OAT: variants seen among roughly 807,000 people sequenced by gnomAD.
OAT encodes the protein ornithine aminotransferase, also known as ornithine aminotransferase, mitochondrial.
OAT carries 35 observed loss-of-function variants against 48.4 expected under a neutral mutation model. That is an observed-to-expected ratio of 0.72 (90% confidence interval 0.55 to 0.96). OAT has a LOEUF of 0.96. OAT is among the 40% of genes least tolerant of loss of function. The pLI, the probability that OAT is intolerant of heterozygous loss-of-function variation, is 0.00. For synonymous variants in OAT, 182 were observed against 198.4 expected (o/e 0.92, Z 0.70); for missense variants, 438 against 537.9 (o/e 0.81, Z 1.84).
chr10:124,413,212 A>G (rs1193772291), intron 1 of OAT, among the ~76,000 whole-genome samples: 1 of 152,082 alleles, frequency 6.6e-6, no homozygotes, highest in Non-Finnish European at 1.5e-5. Flanking sequence ...TAATAGCTTT[A>G]AAGTGTTCAC....
rs80313473 is a variant in OAT at position 124,408,975 on chromosome 10, A to G, written c.200-10T>C. On this transcript the variant is annotated splice_polypyrimidine_tract_variant and intron_variant, in intron 2 of 9. Coordinates refer to ENST00000368845, the MANE Select transcript of OAT (RefSeq NM_000274.4). ...TCCCATAAGTAAATACCTAAAATAC[A>G]TAAGAAAGGAAAATAATTTTAGACA... The G allele has an allele frequency of 1.4e-3, 2,202 of 1,596,972 alleles. 27 individuals carry two copies. The African/African-American group carries it at 0.026, about 19-fold the overall frequency.
intron 9 of OAT, 28 bp from the exon 10 acceptor site, chr10:124,398,130 C>T (rs778509016): frequency 4.0e-5 from 64 of 1,612,834 alleles, no homozygotes; most frequent in Non-Finnish European, 5.0e-5. Context: ...AACGTACATG[C>T]TCAAAGATAA....
At chr10:124,401,642 T>C (rs2134452629) in intron 8 of OAT, 84 bp downstream of exon 8, 1 of 915,374 alleles carries the variant, frequency 1.1e-6, no homozygotes, top group Non-Finnish European at 1.8e-6. Context: ...TATTGAATTT[T>C]TTATTATACC....
chr10:124,413,139 T>C, intron 1 of OAT, among the ~76,000 whole-genome samples: 1 of 152,160 alleles, frequency 6.6e-6, no homozygotes, highest in East Asian at 1.9e-4. Flanking sequence ...AAAACTTCTG[T>C]AGGTCAAATT....
chr10:124,397,308 T>G lies in OAT; in HGVS notation c.*634A>C, dbSNP rs537589664. The stretch of plus-strand genomic sequence containing the variant: ...TGAATAATCATCACAAAACAGACAT[T>G]TGAAATATAAGCTTTATTTTAAATT... On this transcript the variant is annotated 3_prime_UTR_variant, in exon 10 of 10. Transcript: ENST00000368845. The G allele has an allele frequency of 1.3e-5, 2 of 152,252 alleles. No individual in the cohort carries two copies. Among genetic ancestry groups the G allele is most frequent in the South Asian group, 2.1e-4 (1 of 4,834 alleles). The allele number at this position is 152,252 out of a possible 1,614,324, so 9.4% of individuals were successfully genotyped here. A position where few individuals can be genotyped will look rare whatever the true frequency, so the allele number is the denominator to read the frequency against.
In OAT at chr10:124,411,969, G is replaced by A. The variant is rs373425479; in HGVS notation, c.199+4C>T. ...GGGAAAAGACGGATTAATTTGAAACGTACCTTTTCCTCTCTCCAGGGCTAC... is the reference window on the plus strand; with the variant it reads ...GGGAAAAGACGGATTAATTTGAAACATACCTTTTCCTCTCTCCAGGGCTAC... On this transcript the variant is annotated splice_donor_region_variant and intron_variant, in intron 2 of 9. Coordinates refer to ENST00000368845, the MANE Select transcript of OAT (RefSeq NM_000274.4). 4.3e-6 allele frequency: 7 copies of A among 1,611,176 alleles called. No individual in the cohort carries two copies. The highest frequency in any genetic ancestry group is 1.7e-4 in the Middle Eastern group (1 of 6,060).
rs1204417866 is a variant in OAT, at chr10:124,408,790, C to T, written c.375G>A (p.Glu125=). The change falls in exon 3 of 10, where the codon GAG becomes GAA. Residue 125 remains glutamate, a synonymous_variant. Coordinates refer to ENST00000368845, the MANE Select transcript of OAT (RefSeq NM_000274.4). ...FYNNVLGEYE[E]YITKLFNYHK... ...GGTAGTTGAAAAGTTTAGTAATATA[C>T]TCCTCATATTCACCAAGTACGTTAT... is the stretch of plus-strand genomic sequence containing the variant. The T allele has an allele frequency of 1.2e-6, 2 of 1,611,642 alleles. No homozygotes were observed. The highest frequency in any genetic ancestry group is 1.7e-6 in the Non-Finnish European group (2 of 1,179,122).
intron 6 of OAT, among the ~76,000 whole-genome samples, chr10:124,403,523 C>T (rs926257385): frequency 5.3e-5 from 8 of 152,054 alleles, no homozygotes; most frequent in African/African-American, 1.4e-4. Context: ...CTTAGAGCAG[C>T]GAGGAAGGAA....
chr10:124,397,808 G>T lies in OAT; in HGVS notation c.*134C>A. On this transcript the variant is annotated 3_prime_UTR_variant, in exon 10 of 10. Transcript: ENST00000368845. ...AACGTTGTTCTATTATGTATCAACT[G>T]AAAAAAATATATTCAAAAAAAAAGT... 1.0e-6 allele frequency: 1 copy of T among 965,308 alleles called. No homozygotes were observed. Among genetic ancestry groups the T allele is most frequent in the Non-Finnish European group, 1.6e-6 (1 of 626,278 alleles). 59.8% of individuals were successfully genotyped at this position (965,308 alleles called of 1,614,324 possible).
Position 124,398,007 on chromosome 10 carries a change from C to T in OAT, c.1255G>A (p.Val419Met). The change falls in exon 10 of 10, where the codon GTG (valine) becomes ATG (methionine). Residue 419 changes from valine to methionine, a missense_variant. By Grantham distance (21) the Val-to-Met change is conservative. Coordinates refer to ENST00000368845, the MANE Select transcript of OAT (RefSeq NM_000274.4). ...TCTCGAAGCTCATCCTCCTTGATCA[C>T]CAGCGGAGGCGCAAACCTGATAATG... ...GDIIRFAPPL[V>M]IKEDELRESI... 3.1e-6 allele frequency: 5 copies of T among 1,614,032 alleles called. No homozygotes were observed. The highest frequency in any genetic ancestry group is 2.5e-6 in the Non-Finnish European group (3 of 1,179,930).
chr10:124,401,130 A>G, intron 8 of OAT, 146 bp from the exon 9 acceptor site: 3 of 619,314 alleles, frequency 4.8e-6, no homozygotes, highest in African/African-American at 3.7e-5. Flanking sequence ...CAAAGCCTGT[A>G]TTAGTTTCTA....
intron 9 of OAT, among the ~76,000 whole-genome samples, chr10:124,400,613 C>G (rs529211674): frequency 1.3e-5 from 2 of 151,930 alleles, no homozygotes; most frequent in African/African-American, 2.4e-5. Context: ...ATTAGCTGGG[C>G]GTGGTGACAG....
Position 124,401,805 on chromosome 10 carries a change from A to G in OAT, c.935T>C (p.Leu312Pro). 1.2e-6 allele frequency: 2 copies of G among 1,613,370 alleles called. No individual in the cohort carries two copies. Among genetic ancestry groups the G allele is most frequent in the Non-Finnish European group, 1.7e-6 (2 of 1,179,816 alleles). Residue 312 changes from leucine to proline, a missense_variant, in exon 8 of 10, where the codon CTG (leucine) becomes CCG (proline). Transcript: ENST00000368845. The stretch of plus-strand genomic sequence containing the variant: ...CCCATGCTCCCCTGGCTTAATGGTC[A>G]GCATGATGTCATCATCACACAGCAC... ...SAVLCDDDIM[L>P]TIKPGEHGST...
intron 4 of OAT, among the ~76,000 whole-genome samples, chr10:124,406,446 G>A (rs1267686819): frequency 6.6e-6 from 1 of 151,920 alleles, no homozygotes; most frequent in Non-Finnish European, 1.5e-5. Context: ...AGCTGAGATC[G>A]CACCACTGCA....
In OAT at chr10:124,397,803, C is replaced by T. The variant is rs1951273107; in HGVS notation, c.*139G>A. On this transcript the variant is annotated 3_prime_UTR_variant, in exon 10 of 10. Transcript: ENST00000368845. ...TCATAAACGTTGTTCTATTATGTAT[C>T]AACTGAAAAAAATATATTCAAAAAA... 1 of 872,432 alleles carries T rather than the reference C, an allele frequency of 1.1e-6. No individual in the cohort carries two copies. The highest frequency in any genetic ancestry group is 1.7e-5 in the African/African-American group (1 of 58,950). 54.0% of individuals were successfully genotyped at this position (872,432 alleles called of 1,614,324 possible).
At position 124,411,955 on chromosome 10, in the gene OAT, G is replaced by T. The variant is rs773724461; in HGVS notation, c.199+18C>A. 3 of 1,607,576 alleles carry T rather than the reference G, an allele frequency of 1.9e-6. No individual in the cohort carries two copies. In the East Asian group the frequency reaches 6.8e-5, roughly 36 times the overall value. ...AGGTTTCAAGAAAAGGGAAAAGACGGATTAATTTGAAACGTACCTTTTCCT... is the reference window on the plus strand; with the variant it reads ...AGGTTTCAAGAAAAGGGAAAAGACGTATTAATTTGAAACGTACCTTTTCCT... On this transcript the variant is annotated intron_variant, in intron 2 of 9. Transcript: ENST00000368845.
intron 1 of OAT, among the ~76,000 whole-genome samples, chr10:124,417,568 T>G (rs1951959351): frequency 6.6e-6 from 1 of 152,186 alleles, no homozygotes; most frequent in Non-Finnish European, 1.5e-5. Context: ...TACACAGGTG[T>G]GAGCCACCGT....
chr10:124,409,366 C>G (rs1477494173), intron 2 of OAT, among the ~76,000 whole-genome samples: 1 of 152,094 alleles, frequency 6.6e-6, no homozygotes, highest in Admixed American at 6.6e-5. Flanking sequence ...AGTTCCAGAT[C>G]AGCCTGGACA....
At chr10:124,417,091 G>T (rs979952756) in intron 1 of OAT, among the ~76,000 whole-genome samples, 14 of 152,044 alleles carry the variant, frequency 9.2e-5, no homozygotes, top group African/African-American at 3.1e-4. Flanking sequence ...TCACTAAAGG[G>T]CATAAAATAT....
Sources: gnomAD v4.1 joint callset for allele counts (sites outside exome capture counted in the v4.1 genomes callset) on GRCh38, gnomAD v4.1.1 for gene constraint, MANE v1.5 for transcripts, NCBI Gene and HGNC (gene_info 2026-07-23, HGNC 2026-07-21) for gene names.